Variants in PCYT1B observed in about 807,000 individuals in gnomAD.
PCYT1B encodes the protein phosphate cytidylyltransferase 1B, choline, also known as choline-phosphate cytidylyltransferase B.
Under a neutral mutation model 26.4 loss-of-function variants are expected in PCYT1B, and 10 were observed. That is an observed-to-expected ratio of 0.38 (90% confidence interval 0.23 to 0.64). The LOEUF is 0.64. PCYT1B is among the 30% of genes least tolerant of loss of function. The pLI, the probability that PCYT1B is intolerant of heterozygous loss-of-function variation, is 0.56. For synonymous variants in PCYT1B, 131 were observed against 108.4 expected (o/e 1.21, Z -1.29); for missense variants, 161 against 292.7 (o/e 0.55, Z 3.28).
chrX:24,579,928 A>T (rs1482019260), intron 5 of PCYT1B, among the ~76,000 whole-genome samples: 1 of 112,107 alleles, frequency 8.9e-6, no homozygotes, highest in African/African-American at 3.2e-5. Context: ...TAATCCCAGT[A>T]CTTTCGAAGG....
intron 1 of PCYT1B, among the ~76,000 whole-genome samples, chrX:24,660,718 G>A (rs1927012504): frequency 9.2e-6 from 1 of 109,189 alleles, no homozygotes; most frequent in South Asian, 3.9e-4. Flanking sequence ...AGACACTAAG[G>A]GTGCCTGAGA....
chrX:24,564,681 T>G (rs1181045796), intron 7 of PCYT1B, among the ~76,000 whole-genome samples: 1 of 111,119 alleles, frequency 9.0e-6, no homozygotes, highest in African/African-American at 3.3e-5. Flanking sequence ...ATGCATACAG[T>G]TGAGTGACCA....
chrX:24,648,667 A>T (rs779804127), upstream of PCYT1B, among the ~76,000 whole-genome samples: 6 of 108,655 alleles, frequency 5.5e-5, no homozygotes, highest in East Asian at 1.7e-3. Context: ...ATCACCAGGG[A>T]ACTTGTTAGA....
chrX:24,588,878 G>A (rs777615552), intron 4 of PCYT1B, among the ~76,000 whole-genome samples: 3 of 111,164 alleles, frequency 2.7e-5, no homozygotes, highest in East Asian at 5.6e-4. Flanking sequence ...TTAGTACGGA[G>A]TATATCCTCA....
At chrX:24,591,160 A>T (rs1052710768) in intron 3 of PCYT1B, among the ~76,000 whole-genome samples, 4 of 111,661 alleles carry the variant, frequency 3.6e-5, no homozygotes, top group African/African-American at 9.8e-5. Context: ...TTCCACTATC[A>T]GCCTTAGAAA....
chrX:24,566,246 C>A (rs1300091153), intron 7 of PCYT1B, among the ~76,000 whole-genome samples: 3 of 111,786 alleles, frequency 2.7e-5, no homozygotes, highest in Non-Finnish European at 5.6e-5. Context: ...GATGGACATT[C>A]AATGCAATGT....
intron 3 of PCYT1B, among the ~76,000 whole-genome samples, chrX:24,595,049 A>G (rs751570969): frequency 9.1e-6 from 1 of 110,440 alleles, no homozygotes; most frequent in African/African-American, 3.3e-5. Flanking sequence ...CCATTTACGA[A>G]TAGTAGTAGG....
At chrX:24,587,169 G>A (rs148794543) in intron 5 of PCYT1B, 72 bp downstream of exon 5, 152 of 728,206 alleles carry the variant, frequency 2.1e-4, no homozygotes, top group Admixed American at 3.1e-4. Flanking sequence ...ATGTCCCAGG[G>A]CAGACAGATG....
chrX:24,657,097 A>G (rs1231696865), intron 1 of PCYT1B, among the ~76,000 whole-genome samples: 1 of 111,772 alleles, frequency 8.9e-6, no homozygotes, highest in Non-Finnish European at 1.9e-5. Flanking sequence ...GATTGTTGCT[A>G]TTACTTGGTG....
intron 5 of PCYT1B, among the ~76,000 whole-genome samples, chrX:24,582,080 A>T (rs1490328341): frequency 8.9e-6 from 1 of 112,376 alleles, no homozygotes; most frequent in Non-Finnish European, 1.9e-5. Flanking sequence ...ATAGCACCCA[A>T]ATTGACCCAG....
At chrX:24,624,023 G>C (rs952398137) in intron 1 of PCYT1B, among the ~76,000 whole-genome samples, 8 of 101,680 alleles carry the variant, frequency 7.9e-5, no homozygotes, top group East Asian at 6.3e-4. Context: ...CCAGGCTGGA[G>C]TGCAGTGGCG....
chrX:24,568,255 G>A (rs1210537097), intron 7 of PCYT1B, among the ~76,000 whole-genome samples: 1 of 112,036 alleles, frequency 8.9e-6, no homozygotes, highest in African/African-American at 3.2e-5. Flanking sequence ...GAGCCAGTCT[G>A]GGTGCGATGG....
chrX:24,617,448 T>TA (rs1383713038), intron 2 of PCYT1B, among the ~76,000 whole-genome samples: 1 of 58,163 alleles, frequency 1.7e-5, no homozygotes, highest in Non-Finnish European at 3.0e-5. Context: ...TTTATATTAT[T>TA]ATTATTTTTT....
At chrX:24,584,819 C>T (rs187134077) in intron 5 of PCYT1B, among the ~76,000 whole-genome samples, 6 of 111,628 alleles carry the variant, frequency 5.4e-5, no homozygotes, top group East Asian at 2.8e-4. Context: ...TACAGGAGGC[C>T]GTGTTCAGCC....
At chrX:24,611,442 G>A (rs1000176284) in intron 2 of PCYT1B, among the ~76,000 whole-genome samples, 2 of 111,270 alleles carry the variant, frequency 1.8e-5, no homozygotes, top group African/African-American at 6.5e-5. Flanking sequence ...TGTGAAGCTG[G>A]AGGTTTGGCA....
At chrX:24,590,418 T>C (rs1016942978) in intron 3 of PCYT1B, among the ~76,000 whole-genome samples, 1 of 112,294 alleles carries the variant, frequency 8.9e-6, no homozygotes, top group Non-Finnish European at 1.9e-5. Context: ...GTGGCTTCTA[T>C]TAAAATTATT....
chrX:24,612,572 G>A (rs1317192678), intron 2 of PCYT1B, among the ~76,000 whole-genome samples: 3 of 111,872 alleles, frequency 2.7e-5, no homozygotes, highest in African/African-American at 9.7e-5. Context: ...AAATACAAAC[G>A]AAAACCACAA....
chrX:24,629,634 G>A (rs778013228), intron 1 of PCYT1B, among the ~76,000 whole-genome samples: 3 of 84,928 alleles, frequency 3.5e-5, no homozygotes, highest in African/African-American at 1.3e-4. Flanking sequence ...CACATAATAA[G>A]TTCATTTTTT....
At chrX:24,569,189 C>T (rs1923737987) in intron 7 of PCYT1B, among the ~76,000 whole-genome samples, 1 of 110,189 alleles carries the variant, frequency 9.1e-6, no homozygotes. Flanking sequence ...TGCAGATCCA[C>T]AAACTATATT....
Sources: gnomAD v4.1 joint callset for allele counts (sites outside exome capture counted in the v4.1 genomes callset) on GRCh38, gnomAD v4.1.1 for gene constraint, MANE v1.5 for transcripts, NCBI Gene and HGNC (gene_info 2026-07-23, HGNC 2026-07-21) for gene names.